SS18: variants seen among roughly 807,000 people sequenced by gnomAD.
The protein encoded by SS18 is protein SSXT.
In SS18, 28 loss-of-function variants were observed where a neutral mutation model predicts 72.5. That is an observed-to-expected ratio of 0.39 (90% CI 0.29 to 0.53). The LOEUF (loss-of-function observed/expected upper bound fraction) is 0.53, where lower values mean the gene tolerates loss of function less well. Among genes scored for constraint, SS18 ranks in the 20% least tolerant of loss-of-function variants. SS18 has a pLI of 0.76. For missense variants in SS18, 518 were observed against 535.3 expected (o/e 0.97, Z 0.32); for synonymous variants, 172 against 164.2 (o/e 1.05, Z -0.37).
chr18:26,066,029 T>G (rs1041296164), intron 3 of SS18, among the ~76,000 whole-genome samples: 10 of 151,948 alleles, frequency 6.6e-5, no homozygotes, highest in Non-Finnish European at 1.5e-4. Flanking sequence ...TTACACCTCA[T>G]GTCACTTTTT....
chr18:26,076,489 A>G (rs1267049272), intron 3 of SS18, among the ~76,000 whole-genome samples: 1 of 151,918 alleles, frequency 6.6e-6, no homozygotes, highest in Non-Finnish European at 1.5e-5. Context: ...TATTCCTCAC[A>G]TTATTCACGA....
At chr18:26,085,027 T>C (rs947883507) in intron 2 of SS18, among the ~76,000 whole-genome samples, 5 of 152,170 alleles carry the variant, frequency 3.3e-5, no homozygotes, top group African/African-American at 4.8e-5. Flanking sequence ...ATATCTGCAA[T>C]TACTCTCAAA....
At chr18:26,073,418 T>G (rs1005558886) in intron 3 of SS18, among the ~76,000 whole-genome samples, 13 of 151,922 alleles carry the variant, frequency 8.6e-5, no homozygotes, top group African/African-American at 2.9e-4. Flanking sequence ...CAAAAGAAAG[T>G]AAAAGGGAGA....
chr18:26,065,067 G>A (rs994298848), intron 3 of SS18, among the ~76,000 whole-genome samples: 1 of 152,118 alleles, frequency 6.6e-6, no homozygotes, highest in Non-Finnish European at 1.5e-5. Context: ...AAATACTGTT[G>A]AGAGAAAGAG....
At chr18:26,051,415 T>C (rs748087995) in intron 5 of SS18, among the ~76,000 whole-genome samples, 3 of 152,222 alleles carry the variant, frequency 2.0e-5, no homozygotes, top group Non-Finnish European at 4.4e-5. Context: ...TTTCTTCGAA[T>C]CTTATTATGT....
Position 26,032,458 on chromosome 18 carries a change from T to C in SS18, c.1171A>G (p.Arg391Gly). ...QGQGQQYGGY[R>G]PTQPGPPQPP... ...TGTGGTGGTCCAGGCTGTGTTGGTC[T>C]ATATCCTCCATACTGCTGACCTTGT... Residue 391 changes from arginine to glycine, a missense_variant, in exon 10 of 11, where the codon AGA (arginine) becomes GGA (glycine). By Grantham distance (125) the Arg-to-Gly change is moderately radical. Transcript: ENST00000415083. 6.2e-7 allele frequency: 1 copy of C among 1,613,974 alleles called. No individual in the cohort carries two copies. The highest frequency in any genetic ancestry group is 8.5e-7 in the Non-Finnish European group (1 of 1,179,892).
At chr18:26,044,193 T>A (rs2053779305) in intron 5 of SS18, among the ~76,000 whole-genome samples, 1 of 152,228 alleles carries the variant, frequency 6.6e-6, no homozygotes, top group African/African-American at 2.4e-5. Flanking sequence ...TAAAATTATG[T>A]AATTATAAGT....
At chr18:26,067,501 G>A (rs1475246580) in intron 3 of SS18, among the ~76,000 whole-genome samples, 2 of 152,160 alleles carry the variant, frequency 1.3e-5, no homozygotes. Context: ...ATGTCCAAAT[G>A]GGTATGTCTA....
chr18:26,040,730 C>T (rs945577253), intron 5 of SS18, among the ~76,000 whole-genome samples: 1 of 152,124 alleles, frequency 6.6e-6, no homozygotes, highest in East Asian at 1.9e-4. Context: ...TGTTTTTCTC[C>T]TATTTGCCTT....
intron 2 of SS18, chr18:26,084,282 A>C (rs1027765571): frequency 6.6e-6 from 1 of 152,220 alleles, no homozygotes; most frequent in Admixed American, 6.5e-5. Flanking sequence ...GAATGAAGGA[A>C]TAGGAAAAGA....
At chr18:26,059,826 T>TA (rs989169203) in intron 3 of SS18, among the ~76,000 whole-genome samples, 1 of 152,266 alleles carries the variant, frequency 6.6e-6, no homozygotes, top group East Asian at 1.9e-4. Flanking sequence ...CAAGGCTTTC[T>TA]AAAAAACAAA....
intron 10 of SS18, among the ~76,000 whole-genome samples, chr18:26,021,402 C>T (rs1311170241): frequency 6.6e-6 from 1 of 152,184 alleles, no homozygotes; most frequent in Non-Finnish European, 1.5e-5. Context: ...CAGCATGGTA[C>T]AGTGAACAGA....
At position 26,052,630 on chromosome 18, in the gene SS18, T is replaced by C; in HGVS notation, c.601A>G (p.Asn201Asp). The change falls in exon 5 of 11, where the codon AAC becomes GAC. Residue 201 changes from asparagine to aspartate, a missense_variant. By Grantham distance (23) the Asn-to-Asp change is conservative. Coordinates refer to ENST00000415083, the MANE Select transcript of SS18 (RefSeq NM_001007559.3). The part of the protein sequence containing the change: ...GPRPNMSMQP[N>D]QGPMMHQQPP... ...GGACATAAAGCTTAGTTACCTTGGT[T>C]TGGCTGCATACTCATATTTGGTCTG... 6.2e-7 allele frequency: 1 copy of C among 1,613,538 alleles called. No individual in the cohort carries two copies. Among genetic ancestry groups the C allele is most frequent in the East Asian group, 2.2e-5 (1 of 44,878 alleles).
At chr18:26,056,532 G>C (rs1174938183) in intron 4 of SS18, among the ~76,000 whole-genome samples, 1 of 152,166 alleles carries the variant, frequency 6.6e-6, no homozygotes, top group Non-Finnish European at 1.5e-5. Context: ...CCTCCTATAT[G>C]ATCAGTCACA....
chr18:26,058,777 T>C (rs2054069630), intron 3 of SS18, among the ~76,000 whole-genome samples: 1 of 152,232 alleles, frequency 6.6e-6, no homozygotes, highest in Non-Finnish European at 1.5e-5. Context: ...AGAATTTTAA[T>C]TTCTTCACAA....
chr18:26,032,248 A>C, intron 10 of SS18, 151 bp downstream of exon 10: 1 of 877,114 alleles, frequency 1.1e-6, no homozygotes, highest in Non-Finnish European at 1.7e-6. Flanking sequence ...TGAATCTCAA[A>C]AGTGATACAC....
In SS18 at chr18:26,087,512, T is replaced by C. The variant is rs1474772323; in HGVS notation, c.135A>G (p.Ser45=). 1.9e-6 allele frequency: 3 copies of C among 1,584,826 alleles called. No individual in the cohort carries two copies. The highest frequency in any genetic ancestry group is 2.6e-6 in the Non-Finnish European group (3 of 1,160,870). The part of the protein sequence containing the change: ...IMDSQNKGKT[S]ECSQYQQMLH... ...CTTATCAATCTTACTGAGAACACTC[T>C]GAGGTCTTTCCTTTATTCTGAGAGT... Residue 45 remains serine, a synonymous_variant, in exon 2 of 11, where the codon TCA becomes TCG. Transcript: ENST00000415083.
intron 5 of SS18, among the ~76,000 whole-genome samples, chr18:26,050,604 C>T (rs2053904506): frequency 6.6e-6 from 1 of 152,100 alleles, no homozygotes; most frequent in Non-Finnish European, 1.5e-5. Context: ...TGCCAGAACA[C>T]TGTATAACTT....
rs1197035017 is a variant in SS18, at chr18:26,090,598, C to CTTG, written c.-30_-29insCAA. Reference sequence around the variant, plus strand: ...GCCGCCGTCACCACTATCGGCAAGTCCCGAGCGCTCCGGGTGAACGGCAAA... The same window carrying CTTG: ...GCCGCCGTCACCACTATCGGCAAGTCTTGCCGAGCGCTCCGGGTGAACGGCAAA... On this transcript the variant is annotated 5_prime_UTR_variant, in exon 1 of 11. Coordinates refer to ENST00000415083, the MANE Select transcript of SS18 (RefSeq NM_001007559.3). 2 of 1,557,978 alleles carry CTTG rather than the reference C, an allele frequency of 1.3e-6. No individual in the cohort carries two copies. The highest frequency in any genetic ancestry group is 3.8e-5 in the Admixed American group (2 of 52,520).
Sources: gnomAD v4.1 joint callset for allele counts (sites outside exome capture counted in the v4.1 genomes callset) on GRCh38, gnomAD v4.1.1 for gene constraint, MANE v1.5 for transcripts, NCBI Gene and HGNC (gene_info 2026-07-23, HGNC 2026-07-21) for gene names.